ANK3: variants seen among roughly 807,000 people sequenced by gnomAD.
ANK3 encodes the protein ankyrin 3, also known as ankyrin-3.
A neutral mutation model predicts 370.9 loss-of-function variants in ANK3; 57 were observed. That is an observed-to-expected ratio of 0.15 (90% CI 0.12 to 0.19). The LOEUF (loss-of-function observed/expected upper bound fraction) is 0.19. ANK3 is among the 10% of genes least tolerant of loss of function. The pLI is 1.00. For synonymous variants in ANK3, 1,929 were observed against 1,946.3 expected (o/e 0.99, Z 0.23); for missense variants, 4,439 against 5,302.1 (o/e 0.84, Z 5.06).
In ANK3 at chr10:60,074,279, A is replaced by T. The variant is rs1426094883; in HGVS notation, c.6602T>A (p.Met2201Lys). 1 of 1,614,104 alleles carries T rather than the reference A, an allele frequency of 6.2e-7. No individual in the cohort carries two copies. Residue 2201 changes from methionine (M) to lysine (K), a missense_variant, in exon 37 of 44, where the codon ATG becomes AAG. Transcript: ENST00000280772. ...PVSPKPSPTF[M>K]ELEPKPTTSS... ...GGTGGTGGGCTTTGGTTCCAATTCC[A>T]TAAAAGTAGGTGAAGGTTTAGGTGA...
At chr10:60,578,441 T>C (rs2077708301) in intron 2 of ANK3, among the ~76,000 whole-genome samples, 1 of 152,232 alleles carries the variant, frequency 6.6e-6, no homozygotes, top group Non-Finnish European at 1.5e-5. Context: ...GTCATTCCTT[T>C]GATCTTCCCT....
At chr10:60,484,285 G>A (rs958401940) in intron 2 of ANK3, among the ~76,000 whole-genome samples, 1 of 152,146 alleles carries the variant, frequency 6.6e-6, no homozygotes, top group Non-Finnish European at 1.5e-5. Flanking sequence ...TGAGAGTAAA[G>A]CTTTATCAAG....
At chr10:60,140,018 G>T (rs1415472743) in intron 23 of ANK3, 2 of 337,666 alleles carry the variant, frequency 5.9e-6, no homozygotes, top group Middle Eastern at 8.1e-4. Context: ...CTGGCCAAGA[G>T]ATTGCAAAAG....
intron 1 of ANK3, among the ~76,000 whole-genome samples, chr10:60,322,900 GGAA>G (rs768515842): frequency 6.6e-6 from 1 of 152,134 alleles, no homozygotes; most frequent in Non-Finnish European, 1.5e-5. Flanking sequence ...ACCTGTAACT[GGAA>G]GAAGTTCTTC....
chr10:60,372,985 A>G (rs1566907472), intron 1 of ANK3, among the ~76,000 whole-genome samples: 1 of 152,244 alleles, frequency 6.6e-6, no homozygotes, highest in East Asian at 1.9e-4. Context: ...CATGATCAGT[A>G]GATTTTTTTA....
chr10:60,048,373 G>A (rs571428517), intron 42 of ANK3, among the ~76,000 whole-genome samples: 2 of 152,278 alleles, frequency 1.3e-5, no homozygotes, highest in East Asian at 3.9e-4. Flanking sequence ...CCTCTTCTGT[G>A]CTGCTGAAAA....
At chr10:60,436,214 C>G (rs1374489248) in intron 2 of ANK3, among the ~76,000 whole-genome samples, 1 of 152,188 alleles carries the variant, frequency 6.6e-6, no homozygotes, top group African/African-American at 2.4e-5. Context: ...CTCCGTTCAT[C>G]AGTTGATGAG....
intron 2 of ANK3, among the ~76,000 whole-genome samples, chr10:60,455,877 T>C (rs1358967106): frequency 6.6e-6 from 1 of 152,170 alleles, no homozygotes; most frequent in Non-Finnish European, 1.5e-5. Context: ...TCACTCCCCT[T>C]GGGAGATGCG....
intron 2 of ANK3, among the ~76,000 whole-genome samples, chr10:60,436,236 T>C (rs2064156327): frequency 6.6e-6 from 1 of 152,276 alleles, no homozygotes; most frequent in East Asian, 1.9e-4. Flanking sequence ...GTTTAGACTG[T>C]TTCCATTTGT....
At chr10:60,175,258 A>T (rs1450399285) in intron 18 of ANK3, among the ~76,000 whole-genome samples, 2 of 152,232 alleles carry the variant, frequency 1.3e-5, no homozygotes, top group East Asian at 1.9e-4. Context: ...TCAAAAATAC[A>T]TGGGCATGGC....
chr10:60,480,690 C>T (rs2075189525), intron 2 of ANK3, among the ~76,000 whole-genome samples: 1 of 152,110 alleles, frequency 6.6e-6, no homozygotes, highest in Non-Finnish European at 1.5e-5. Context: ...ACAGAGGGCT[C>T]CCTGGCCAAC....
intron 2 of ANK3, among the ~76,000 whole-genome samples, chr10:60,455,437 T>G (rs2064721581): frequency 6.6e-6 from 1 of 152,200 alleles, no homozygotes; most frequent in Admixed American, 6.5e-5. Flanking sequence ...ACAAAACAAC[T>G]TAAGCAGCAA....
intron 1 of ANK3, among the ~76,000 whole-genome samples, chr10:60,646,157 GA>G (rs112918350): frequency 0.011 from 1,660 of 150,432 alleles, 22 homozygotes; most frequent in African/African-American, 0.037. Context: ...TTGTGGAAAT[GA>G]AAAAAAAGAA....
intron 27 of ANK3, among the ~76,000 whole-genome samples, chr10:60,107,771 GCA>G (rs371932498): frequency 5.3e-5 from 8 of 151,150 alleles, no homozygotes; most frequent in Non-Finnish European, 1.2e-4. Flanking sequence ...ATGCGCACGC[GCA>G]CACACACACA....
chr10:60,355,471 C>T (rs1186192538), intron 1 of ANK3, among the ~76,000 whole-genome samples: 1 of 152,066 alleles, frequency 6.6e-6, no homozygotes, highest in African/African-American at 2.4e-5. Flanking sequence ...TTGCCCATGA[C>T]CTTGTTGGAC....
At chr10:60,503,812 T>G (rs991206818) in intron 2 of ANK3, among the ~76,000 whole-genome samples, 9 of 152,182 alleles carry the variant, frequency 5.9e-5, no homozygotes, top group African/African-American at 2.2e-4. Context: ...CAAGATGAGA[T>G]GTTTGTCCAA....
rs2096956158 is a variant in ANK3 at position 60,217,354 on chromosome 10, T to A, written c.898-3844A>T. Among the ~76,000 whole-genome samples the A allele has an allele frequency of 2.0e-5, 3 of 152,164 alleles. No homozygotes were observed. In the South Asian group the frequency reaches 6.2e-4, roughly 31 times the overall value. ...AGCTCTTTTAATTGTGATATTAGGG[T>A]GTCGATCTGAGATCTTTCAAGCTTT... On this transcript the variant is annotated intron_variant, in intron 8 of 43. Transcript: ENST00000280772.
intron 1 of ANK3, among the ~76,000 whole-genome samples, chr10:60,616,947 C>A (rs1161478238): frequency 6.6e-6 from 1 of 152,092 alleles, no homozygotes; most frequent in Non-Finnish European, 1.5e-5. Flanking sequence ...TACAATGAAG[C>A]AATTTTTACA....
intron 36 of ANK3, among the ~76,000 whole-genome samples, chr10:60,077,804 T>C (rs1483092834): frequency 6.6e-6 from 1 of 152,186 alleles, no homozygotes; most frequent in African/African-American, 2.4e-5. Flanking sequence ...AAGGTACCAA[T>C]TCTGGTGCCT....
Sources: allele counts gnomAD v4.1 joint callset (sites outside exome capture counted in the v4.1 genomes callset), GRCh38; gene constraint gnomAD v4.1.1; transcripts MANE v1.5; gene names NCBI Gene and HGNC (gene_info 2026-07-23, HGNC 2026-07-21).